PCDHA9: variants seen among roughly 807,000 people sequenced by gnomAD.
PCDHA9 encodes protocadherin alpha-9.
A neutral mutation model predicts 62.0 loss-of-function variants in PCDHA9; 62 were observed. The observed-to-expected ratio is 1.00, with a 90% confidence interval of 0.81 to 1.23. PCDHA9 has a LOEUF of 1.23. Ranked by LOEUF, PCDHA9 falls within the 50% of genes most tolerant of loss-of-function variation. The pLI, the probability that PCDHA9 is intolerant of heterozygous loss-of-function variation, is 0.00. For synonymous variants in PCDHA9, 557 were observed against 567.6 expected (o/e 0.98, Z 0.27); for missense variants, 1,205 against 1,249.8 (o/e 0.96, Z 0.54).
At chr5:140,948,942 T>TA (rs34363674) in intron 1 of PCDHA9, among the ~76,000 whole-genome samples, 48,005 of 151,444 alleles carry the variant, frequency 0.32, 7,947 homozygotes, top group East Asian at 0.53. Flanking sequence ...TCTTCTAATA[T>TA]AAAAAAATTA....
intron 1 of PCDHA9, among the ~76,000 whole-genome samples, chr5:140,874,231 G>T (rs1554167098): frequency 6.6e-6 from 1 of 152,124 alleles, no homozygotes; most frequent in African/African-American, 2.4e-5. Flanking sequence ...GGAATGAATG[G>T]CAACAAATTA....
At chr5:140,877,388 A>G (rs1186041410) in intron 1 of PCDHA9, 14 of 1,613,802 alleles carry the variant, frequency 8.7e-6, no homozygotes, top group Non-Finnish European at 1.2e-5. Flanking sequence ...ATCCTGGATG[A>G]GGCGGACGCT....
intron 1 of PCDHA9, chr5:140,871,192 G>A (rs1582019516): frequency 6.2e-7 from 1 of 1,613,668 alleles, no homozygotes; most frequent in South Asian, 1.1e-5. Context: ...GGATGTCAAC[G>A]TGTACCTGAT....
At chr5:140,909,995 A>G (rs1315885700) in intron 1 of PCDHA9, among the ~76,000 whole-genome samples, 2 of 152,178 alleles carry the variant, frequency 1.3e-5, no homozygotes, top group African/African-American at 4.8e-5. Flanking sequence ...AACAGCATAA[A>G]TTGTTGTCAG....
At chr5:140,927,306 G>A (rs782091835) in intron 1 of PCDHA9, 1 of 1,614,158 alleles carries the variant, frequency 6.2e-7, no homozygotes, top group Admixed American at 1.7e-5. Flanking sequence ...AGTTCCTGAC[G>A]CCCGGAGCCC....
chr5:140,884,271 C>T, intron 1 of PCDHA9: 1 of 1,613,540 alleles, frequency 6.2e-7, no homozygotes, highest in Non-Finnish European at 8.5e-7. Flanking sequence ...GTGCTGTTGT[C>T]GCTGGTGGAG....
intron 1 of PCDHA9, among the ~76,000 whole-genome samples, chr5:140,875,039 A>AT: frequency 3.9e-5 from 6 of 152,348 alleles, no homozygotes; most frequent in Admixed American, 3.9e-4. Context: ...TATTTGAAAG[A>AT]TTTCTACTTT....
At chr5:140,990,471 A>G (rs892013539) in intron 3 of PCDHA9, among the ~76,000 whole-genome samples, 4 of 152,204 alleles carry the variant, frequency 2.6e-5, no homozygotes, top group Admixed American at 1.3e-4. Context: ...GGTATCATGT[A>G]TCAAGCTGAA....
chr5:140,870,096 T>C, intron 1 of PCDHA9: 1 of 1,613,854 alleles, frequency 6.2e-7, no homozygotes, highest in Non-Finnish European at 8.5e-7. Context: ...CAATGGCAGG[T>C]CACTGTACAG....
chr5:140,988,308 G>T (rs75602297), intron 3 of PCDHA9, among the ~76,000 whole-genome samples: 1,856 of 152,298 alleles, frequency 0.012, 44 homozygotes, highest in African/African-American at 0.043. Context: ...TGCCAGCTTG[G>T]CTTGGCTTTC....
chr5:140,950,855 T>C (rs2094525829), intron 1 of PCDHA9, among the ~76,000 whole-genome samples: 2 of 152,102 alleles, frequency 1.3e-5, no homozygotes, highest in African/African-American at 4.8e-5. Context: ...TTCTTTCATA[T>C]TCTTGTATAT....
rs149731120 is a variant in PCDHA9 at position 140,857,612 on chromosome 5, C to T, written c.2394+6723C>T. On this transcript the variant is annotated intron_variant, in intron 1 of 3. Coordinates refer to ENST00000532602, the MANE Select transcript of PCDHA9 (RefSeq NM_031857.2). ...CGGCAAGGTGTACGCGCTGCAGCCGCTGGACCACGAGGAGCTGGAGCTGCT... is the reference window on the plus strand; with the variant it reads ...CGGCAAGGTGTACGCGCTGCAGCCGTTGGACCACGAGGAGCTGGAGCTGCT... 1.6e-4 allele frequency: 263 copies of T among 1,596,592 alleles called. 14 individuals carry two copies. Among genetic ancestry groups the T allele is most frequent in the African/African-American group, 1.5e-3 (115 of 74,450 alleles).
intron 1 of PCDHA9, among the ~76,000 whole-genome samples, chr5:140,947,996 T>G (rs185303145): frequency 1.1e-4 from 14 of 126,854 alleles, no homozygotes; most frequent in Non-Finnish European, 2.3e-4. Flanking sequence ...CCAAATACTT[T>G]ATTAAATTTA....
chr5:140,938,928 T>G (rs1220764640), intron 1 of PCDHA9, among the ~76,000 whole-genome samples: 2 of 152,104 alleles, frequency 1.3e-5, no homozygotes, highest in African/African-American at 4.8e-5. Flanking sequence ...AAATTGGCTT[T>G]TAACTTTCCA....
intron 1 of PCDHA9, among the ~76,000 whole-genome samples, chr5:140,924,668 G>T (rs2081943079): frequency 6.6e-6 from 1 of 152,142 alleles, no homozygotes; most frequent in Non-Finnish European, 1.5e-5. Context: ...GCCGAGGCAG[G>T]CCAATCACTT....
chr5:140,866,646 A>G (rs2049474250), intron 1 of PCDHA9: 1 of 152,112 alleles, frequency 6.6e-6, no homozygotes, highest in Admixed American at 6.5e-5. Context: ...GTCAAAATTT[A>G]TTTATGTGTT....
At chr5:140,931,519 A>G (rs578009368) in intron 1 of PCDHA9, among the ~76,000 whole-genome samples, 6 of 152,054 alleles carry the variant, frequency 3.9e-5, no homozygotes, top group Non-Finnish European at 8.8e-5. Flanking sequence ...TGAATGATTA[A>G]CAAAATAATA....
chr5:140,928,732 A>G, intron 1 of PCDHA9: 1 of 1,614,114 alleles, frequency 6.2e-7, no homozygotes, highest in South Asian at 1.1e-5. Context: ...AATTTCAGCC[A>G]ATATAGGTGA....
At chr5:140,999,263 A>G (rs566864160) in intron 3 of PCDHA9, among the ~76,000 whole-genome samples, 3 of 152,346 alleles carry the variant, frequency 2.0e-5, no homozygotes, top group East Asian at 1.9e-4. Context: ...TAGTAAAGGA[A>G]TACTGCATAG....
Sources: allele counts gnomAD v4.1 joint callset (sites outside exome capture counted in the v4.1 genomes callset), GRCh38; gene constraint gnomAD v4.1.1; transcripts MANE v1.5; gene names NCBI Gene and HGNC (gene_info 2026-07-23, HGNC 2026-07-21).